The following CPNE4 variants were observed in gnomAD, a reference collection of about 807,000 sequenced individuals.
CPNE4 encodes the protein copine-4.
CPNE4 carries 25 observed loss-of-function variants against 67.9 expected under a neutral mutation model. That is an observed-to-expected ratio of 0.37 (90% CI 0.27 to 0.51). The LOEUF is 0.51. Among genes scored for constraint, CPNE4 ranks in the 20% least tolerant of loss-of-function variants. The pLI is 0.93. For synonymous variants in CPNE4, 242 were observed against 244.9 expected, an observed-to-expected ratio of 0.99 and a Z score of 0.11; for missense variants, 464 against 690.8, an observed-to-expected ratio of 0.67 and a Z score of 3.68.
chr3:131,711,109 A>C (rs2081546290), intron 3 of CPNE4, among the ~76,000 whole-genome samples: 1 of 152,228 alleles, frequency 6.6e-6, no homozygotes, highest in African/African-American at 2.4e-5. Flanking sequence ...GAGAGGGAAC[A>C]GTGTTAATAA....
At chr3:131,905,599 T>A (rs1340613256) in intron 1 of CPNE4, among the ~76,000 whole-genome samples, 155 bp from the exon 2 acceptor site, 1 of 152,108 alleles carries the variant, frequency 6.6e-6, no homozygotes, top group African/African-American at 2.4e-5. Flanking sequence ...GTGACACAGT[T>A]CCAGTGAAAC....
intron 2 of CPNE4, among the ~76,000 whole-genome samples, chr3:131,800,653 G>A (rs753629435): frequency 6.6e-6 from 1 of 152,090 alleles, no homozygotes; most frequent in Non-Finnish European, 1.5e-5. Flanking sequence ...AGCCAGGGTG[G>A]AGATCATTCA....
intron 2 of CPNE4, among the ~76,000 whole-genome samples, chr3:131,808,597 T>C (rs1007540611): frequency 1.3e-5 from 2 of 152,146 alleles, no homozygotes; most frequent in Non-Finnish European, 2.9e-5. Context: ...TTATCCTATA[T>C]CATTTGAATT....
intron 2 of CPNE4, among the ~76,000 whole-genome samples, chr3:131,742,890 A>C (rs2082391042): frequency 6.6e-6 from 1 of 152,282 alleles, no homozygotes; most frequent in East Asian, 1.9e-4. Flanking sequence ...ATAGCCTTAA[A>C]TGCCTTTACT....
At chr3:131,999,933 T>C (rs543675850) in intron 1 of CPNE4, among the ~76,000 whole-genome samples, 2 of 152,136 alleles carry the variant, frequency 1.3e-5, no homozygotes, top group African/African-American at 4.8e-5. Context: ...CAATTGTTTA[T>C]ATGGTTTCTA....
chr3:131,647,419 C>A, intron 7 of CPNE4, among the ~76,000 whole-genome samples: 1 of 152,272 alleles, frequency 6.6e-6, no homozygotes, highest in South Asian at 2.1e-4. Context: ...GAATGTAGGA[C>A]GTGGAAGGAA....
chr3:131,818,868 G>C (rs915030552), intron 2 of CPNE4, among the ~76,000 whole-genome samples: 1 of 152,178 alleles, frequency 6.6e-6, no homozygotes, highest in African/African-American at 2.4e-5. Context: ...TTGGGAGGCT[G>C]AGGCAGGCAG....
chr3:131,795,208 T>C (rs1207339310), intron 2 of CPNE4, among the ~76,000 whole-genome samples: 5 of 152,178 alleles, frequency 3.3e-5, no homozygotes, highest in Non-Finnish European at 5.9e-5. Flanking sequence ...GGATGACCCC[T>C]GGTTTGTAGA....
intron 5 of CPNE4, among the ~76,000 whole-genome samples, chr3:131,696,227 C>T (rs771867247): frequency 7.2e-5 from 11 of 152,112 alleles, no homozygotes; most frequent in Admixed American, 6.5e-5. Context: ...TTTTTCTTCC[C>T]TTTCATATCT....
At chr3:131,864,634 C>T (rs1240874275) in intron 2 of CPNE4, among the ~76,000 whole-genome samples, 4 of 151,970 alleles carry the variant, frequency 2.6e-5, no homozygotes, top group Non-Finnish European at 4.4e-5. Context: ...TCTAGATATA[C>T]AGTCATGCCA....
chr3:131,952,237 C>A (rs925963848), intron 1 of CPNE4, among the ~76,000 whole-genome samples: 1 of 150,616 alleles, frequency 6.6e-6, no homozygotes. Context: ...ATGTGAGGAG[C>A]GCCTCTGCCC....
chr3:131,587,279 T>C (rs538809579), intron 8 of CPNE4, among the ~76,000 whole-genome samples: 1 of 152,262 alleles, frequency 6.6e-6, no homozygotes, highest in African/African-American at 2.4e-5. Context: ...ACTGTAACGT[T>C]TGGGGTCAGT....
At chr3:131,813,614 T>G (rs1378978667) in intron 2 of CPNE4, among the ~76,000 whole-genome samples, 1 of 152,070 alleles carries the variant, frequency 6.6e-6, no homozygotes, top group South Asian at 2.1e-4. Flanking sequence ...TAAAAGTAGC[T>G]TATCTAAAAC....
At chr3:131,652,644 T>A (rs752169654) in intron 7 of CPNE4, among the ~76,000 whole-genome samples, 4 of 152,146 alleles carry the variant, frequency 2.6e-5, no homozygotes, top group South Asian at 2.1e-4. Flanking sequence ...AAGAATATAC[T>A]GTTATTAGAT....
At chr3:131,999,509 C>T (rs2073375120) in intron 1 of CPNE4, among the ~76,000 whole-genome samples, 1 of 151,970 alleles carries the variant, frequency 6.6e-6, no homozygotes, top group Non-Finnish European at 1.5e-5. Flanking sequence ...CAAAATAATT[C>T]TATGCTGGAA....
At chr3:132,023,123 G>A (rs2107691536) in intron 1 of CPNE4, among the ~76,000 whole-genome samples, 1 of 152,242 alleles carries the variant, frequency 6.6e-6, no homozygotes, top group Middle Eastern at 3.4e-3. Flanking sequence ...TTAAAATGAG[G>A]GGAAAGGGCT....
chr3:131,698,778 T>C (rs1331727941), intron 4 of CPNE4, among the ~76,000 whole-genome samples: 4 of 151,484 alleles, frequency 2.6e-5, no homozygotes, highest in Non-Finnish European at 4.4e-5. Context: ...GGTGTGGTGG[T>C]GGGCACCTGT....
At chr3:131,682,248 A>T (rs1473728382) in intron 6 of CPNE4, among the ~76,000 whole-genome samples, 2 of 152,122 alleles carry the variant, frequency 1.3e-5, no homozygotes, top group African/African-American at 4.8e-5. Context: ...TAGTCTTTGC[A>T]GCCTGGGCTT....
chr3:131,661,156 A>G (rs1502673), intron 7 of CPNE4, among the ~76,000 whole-genome samples: 50,229 of 152,038 alleles, frequency 0.33, 8,673 homozygotes, highest in African/African-American at 0.4. Context: ...ACAATTACAG[A>G]GTTCAATGAG....
Sources: gnomAD v4.1 joint callset for allele counts (sites outside exome capture counted in the v4.1 genomes callset) on GRCh38, gnomAD v4.1.1 for gene constraint, MANE v1.5 for transcripts, NCBI Gene and HGNC (gene_info 2026-07-23, HGNC 2026-07-21) for gene names.